GAS2L3: variants seen among roughly 807,000 people sequenced by gnomAD.
GAS2L3 encodes the protein GAS2-like protein 3.
A neutral mutation model predicts 37.0 loss-of-function variants in GAS2L3; 28 were observed. The observed-to-expected ratio is 0.76, with a 90% confidence interval of 0.56 to 1.04. The LOEUF (loss-of-function observed/expected upper bound fraction) is 1.04, where lower values mean the gene tolerates loss of function less well. Ranked by LOEUF, GAS2L3 falls within the 50% of genes least tolerant of loss-of-function variation. The pLI, the probability that GAS2L3 is intolerant of heterozygous loss-of-function variation, is 0.00. For synonymous variants in GAS2L3, 290 were observed against 296.6 expected (o/e 0.98, Z 0.23); for missense variants, 793 against 817.6 (o/e 0.97, Z 0.37).
intron 1 of GAS2L3, among the ~76,000 whole-genome samples, chr12:100,589,830 C>T (rs543451727): frequency 2.0e-5 from 3 of 152,234 alleles, no homozygotes; most frequent in African/African-American, 7.2e-5. Flanking sequence ...GGGGAAAGGA[C>T]ACCCTTTTCA....
chr12:100,622,206 AATAATATT>A, intron 8 of GAS2L3, 61 bp from the exon 9 acceptor site: 2 of 816,874 alleles, frequency 2.4e-6, no homozygotes, highest in Admixed American at 4.8e-5. Context: ...TTAGCTATCA[AATAATATT>A]ACACTTTAAA....
chr12:100,574,590 AT>A (rs1368120904), intron 1 of GAS2L3, among the ~76,000 whole-genome samples: 1 of 152,208 alleles, frequency 6.6e-6, no homozygotes, highest in Non-Finnish European at 1.5e-5. Context: ...AATGTTGTAA[AT>A]TTGAGTGCTT....
At chr12:100,596,158 G>T (rs1394430861) in intron 3 of GAS2L3, among the ~76,000 whole-genome samples, 1 of 151,940 alleles carries the variant, frequency 6.6e-6, no homozygotes, top group Non-Finnish European at 1.5e-5. Flanking sequence ...CTCCCAGAAG[G>T]TCTTATTCTT....
chr12:100,623,726 G>A lies in GAS2L3; in HGVS notation c.921G>A (p.Ser307=), dbSNP rs749864541. The A allele has an allele frequency of 3.8e-5, 62 of 1,613,698 alleles. No homozygotes were observed. Among genetic ancestry groups the A allele is most frequent in the South Asian group, 9.9e-5 (9 of 91,066 alleles). Residue 307 remains serine, a synonymous_variant, in exon 10 of 10, where the codon TCG becomes TCA. Coordinates refer to ENST00000547754, the MANE Select transcript of GAS2L3 (RefSeq NM_174942.3). Reference sequence around the variant, plus strand: ...TTTCTAATGAAAGTGTACCTGATTCGCCTGCCAGAACACCTCAGCCTCCTG... The same window carrying A: ...TTTCTAATGAAAGTGTACCTGATTCACCTGCCAGAACACCTCAGCCTCCTG... ...KGVSNESVPD[S]PARTPQPPEM...
intron 1 of GAS2L3, among the ~76,000 whole-genome samples, chr12:100,582,098 A>C (rs1438858786): frequency 1.3e-5 from 2 of 152,244 alleles, no homozygotes; most frequent in Non-Finnish European, 2.9e-5. Flanking sequence ...ACCTGGGTGC[A>C]GGTGGACTGA....
chr12:100,589,102 A>C lies in GAS2L3; in HGVS notation c.-151-2634A>C, dbSNP rs189263619. Among the ~76,000 whole-genome samples, 111 of 152,332 alleles carry C rather than the reference A, an allele frequency of 7.3e-4. 1 individual carries two copies. The Middle Eastern group carries it at 0.01, about 14-fold the overall frequency. On this transcript the variant is annotated intron_variant, in intron 1 of 9. Transcript: ENST00000547754. ...GATTAAAGTAAAGACAGGCATAAGG[A>C]ATTATAAAAGTATTATTTGGGAACT...
rs1955973129 is a variant in GAS2L3, at chr12:100,600,471, T to C, written c.108T>C (p.Asp36=). Residue 36 remains aspartate (D), a synonymous_variant, in exon 4 of 10, where the codon GAT becomes GAC. Coordinates refer to ENST00000547754, the MANE Select transcript of GAS2L3 (RefSeq NM_174942.3). Reference sequence around the variant, plus strand: ...GATTGGCTAATGTTTGTCAGTACGATGAGTGGATAGCTGTGAGGCATGAAG... The same window carrying C: ...GATTGGCTAATGTTTGTCAGTACGACGAGTGGATAGCTGTGAGGCATGAAG... ...GPGLANVCQY[D]EWIAVRHEAT... 6.2e-7 allele frequency: 1 copy of C among 1,613,452 alleles called. No individual in the cohort carries two copies. The highest frequency in any genetic ancestry group is 1.1e-5 in the South Asian group (1 of 91,038).
intron 5 of GAS2L3, among the ~76,000 whole-genome samples, chr12:100,610,291 A>G (rs1956110292): frequency 6.6e-6 from 1 of 152,240 alleles, no homozygotes; most frequent in South Asian, 2.1e-4. Flanking sequence ...TTGGAATATT[A>G]TACATTCATT....
At chr12:100,592,964 T>A (rs902666982) in intron 2 of GAS2L3, among the ~76,000 whole-genome samples, 3 of 152,024 alleles carry the variant, frequency 2.0e-5, no homozygotes, top group Non-Finnish European at 2.9e-5. Context: ...ATGAAACAAA[T>A]AGAGATTTTT....
chr12:100,583,438 C>T (rs1377323702), intron 1 of GAS2L3, among the ~76,000 whole-genome samples: 8 of 152,246 alleles, frequency 5.3e-5, no homozygotes, highest in African/African-American at 1.9e-4. Flanking sequence ...TGCCCCTTGG[C>T]AGAGCTGTTG....
chr12:100,613,762 T>C (rs1367216444), intron 6 of GAS2L3, among the ~76,000 whole-genome samples: 1 of 151,844 alleles, frequency 6.6e-6, no homozygotes, highest in African/African-American at 2.4e-5. Flanking sequence ...GCCTGGCTAA[T>C]TTTTTGTATT....
intron 1 of GAS2L3, chr12:100,579,085 G>A (rs1347085304): frequency 1.4e-6 from 1 of 732,750 alleles, no homozygotes; most frequent in African/African-American, 1.7e-5. Flanking sequence ...CATTGCTCAA[G>A]TACATATTTG....
At position 100,627,079 on chromosome 12, in the gene GAS2L3, A is replaced by G. The variant is rs911519769; in HGVS notation, c.*2189A>G. On this transcript the variant is annotated 3_prime_UTR_variant, in exon 10 of 10. Transcript: ENST00000547754. ...ACTCCAGCCTGGGCAACAGAGTGAG[A>G]CTCTGTCTCAAAAAAAAAAAAAAAG... Among the ~76,000 whole-genome samples, 2 of 143,920 alleles carry G rather than the reference A, an allele frequency of 1.4e-5. No homozygotes were observed. Among genetic ancestry groups the G allele is most frequent in the African/African-American group, 5.2e-5 (2 of 38,492 alleles). The allele number at this position is 143,920 out of a possible 152,430, so 94.4% of individuals were successfully genotyped here. A position where few individuals can be genotyped will look rare whatever the true frequency, so the allele number is the denominator to read the frequency against.
chr12:100,589,978 A>G (rs2136417558), intron 1 of GAS2L3, among the ~76,000 whole-genome samples: 1 of 152,352 alleles, frequency 6.6e-6, no homozygotes, highest in East Asian at 1.9e-4. Flanking sequence ...GACACTGGAA[A>G]AACTCTTCTA....
intron 3 of GAS2L3, among the ~76,000 whole-genome samples, chr12:100,596,156 A>G (rs1408088092): frequency 6.6e-6 from 1 of 152,030 alleles, no homozygotes. Flanking sequence ...GTCTCCCAGA[A>G]GGTCTTATTC....
At chr12:100,621,421 T>C (rs1565813711) in intron 8 of GAS2L3, among the ~76,000 whole-genome samples, 1 of 152,058 alleles carries the variant, frequency 6.6e-6, no homozygotes, top group Non-Finnish European at 1.5e-5. Flanking sequence ...ACTGCAGTTC[T>C]ACCATTAAAA....
intron 6 of GAS2L3, among the ~76,000 whole-genome samples, chr12:100,614,987 AT>A (rs1166537766): frequency 6.6e-6 from 1 of 152,152 alleles, no homozygotes; most frequent in Non-Finnish European, 1.5e-5. Flanking sequence ...TTGTGTACAA[AT>A]TTTGAAGTAA....
Position 100,624,241 on chromosome 12 carries a change from T to C in GAS2L3, c.1436T>C (p.Ile479Thr), listed in dbSNP as rs1282839737. ...TQPKYLKHNH[I>T]SSRDNAVSHL... ...CCTAAGTATTTGAAACATAATCATA[T>C]TTCTTCCAGAGATAATGCAGTATCT... The change falls in exon 10 of 10, where the codon ATT becomes ACT. Residue 479 changes from isoleucine to threonine, a missense_variant. Coordinates refer to ENST00000547754, the MANE Select transcript of GAS2L3 (RefSeq NM_174942.3). The C allele has an allele frequency of 3.1e-6, 5 of 1,613,980 alleles. No homozygotes were observed. In the Admixed American group the frequency reaches 5.0e-5, roughly 16 times the overall value.
chr12:100,586,799 A>C (rs983514349), intron 1 of GAS2L3, among the ~76,000 whole-genome samples: 2 of 152,210 alleles, frequency 1.3e-5, no homozygotes, highest in African/African-American at 4.8e-5. Context: ...TGGTTCTTTG[A>C]AAAGATAAAT....
Sources: gnomAD v4.1 joint callset for allele counts (sites outside exome capture counted in the v4.1 genomes callset) on GRCh38, gnomAD v4.1.1 for gene constraint, MANE v1.5 for transcripts, NCBI Gene and HGNC (gene_info 2026-07-23, HGNC 2026-07-21) for gene names.